Variants in MOB2 observed in about 807,000 individuals in gnomAD.
MOB2 encodes the protein MOB kinase activator 2, also known as MOB2 Mps One Binder homolog.
Under a neutral mutation model 27.4 loss-of-function variants are expected in MOB2, and 14 were observed. The observed-to-expected ratio is 0.51, with a 90% CI of 0.34 to 0.80. The LOEUF (loss-of-function observed/expected upper bound fraction) is 0.80, where lower values mean the gene tolerates loss of function less well. Among genes scored for constraint, MOB2 ranks in the 30% least tolerant of loss-of-function variants. The pLI, the probability that MOB2 is intolerant of heterozygous loss-of-function variation, is 0.01. For missense variants in MOB2, 304 were observed against 354.6 expected, an observed-to-expected ratio of 0.86 and a Z score of 1.15; for synonymous variants, 167 against 151.8, an observed-to-expected ratio of 1.10 and a Z score of -0.74.
intron 3 of MOB2, among the ~76,000 whole-genome samples, chr11:1,474,649 C>T (rs897079618): frequency 6.6e-6 from 1 of 152,094 alleles, no homozygotes; most frequent in African/African-American, 2.4e-5. Flanking sequence ...TCCATCCACA[C>T]GTTTGTGTGG....
At chr11:1,480,017 C>T (rs912196503) in intron 3 of MOB2, among the ~76,000 whole-genome samples, 16 of 152,228 alleles carry the variant, frequency 1.1e-4, no homozygotes, top group African/African-American at 3.1e-4. Flanking sequence ...AATGAATGGC[C>T]GAGCAAGGAC....
At chr11:1,481,774 G>A (rs1364643011) in intron 1 of MOB2, among the ~76,000 whole-genome samples, 1 of 151,590 alleles carries the variant, frequency 6.6e-6, no homozygotes, top group African/African-American at 2.4e-5. Flanking sequence ...GGAGGGGCAG[G>A]GGCAGGGCCC....
chr11:1,480,622 G>A (rs952382116), intron 2 of MOB2, 103 bp downstream of exon 2: 20 of 1,527,940 alleles, frequency 1.3e-5, no homozygotes, highest in African/African-American at 5.5e-5. Flanking sequence ...CTCCCCTCGC[G>A]GCAGGGGGCT....
chr11:1,469,811 C>T lies in MOB2; in HGVS notation c.*361G>A, dbSNP rs183144660. On this transcript the variant is annotated 3_prime_UTR_variant, in exon 5 of 5. Coordinates refer to ENST00000329957, the MANE Select transcript of MOB2 (RefSeq NM_001172223.3). ...CCAGGTCTGCAAATCACACCCTCCC[C>T]CCACGAGTTCCTCCTTTGAGGCCAG... 11 of 526,460 alleles carry T rather than the reference C, an allele frequency of 2.1e-5. No individual in the cohort carries two copies. The highest frequency in any genetic ancestry group is 3.8e-5 in the African/African-American group (2 of 52,628). The allele number at this position is 526,460 out of a possible 1,614,324, so 32.6% of individuals were successfully genotyped here.
At chr11:1,485,160 T>G (rs1473869500) in intron 1 of MOB2, among the ~76,000 whole-genome samples, 1 of 152,314 alleles carries the variant, frequency 6.6e-6, no homozygotes, top group East Asian at 1.9e-4. Context: ...TCGCTTCCTT[T>G]GAAACCTTCC....
At position 1,470,119 on chromosome 11, in the gene MOB2, AAC is replaced by A. The variant is rs1847764197; in HGVS notation, c.*51_*52del. ...GTGTGCACACGCAGATGCAGGAGAGAACACACACCACCGTCTCTTTGCACACG... is the reference window on the plus strand; with the variant it reads ...GTGTGCACACGCAGATGCAGGAGAGAACACACCACCGTCTCTTTGCACACG... On this transcript the variant is annotated 3_prime_UTR_variant, in exon 5 of 5. Coordinates refer to ENST00000329957, the MANE Select transcript of MOB2 (RefSeq NM_001172223.3). The A allele has an allele frequency of 1.3e-6, 2 of 1,551,518 alleles. No individual in the cohort carries two copies. The highest frequency in any genetic ancestry group is 1.7e-6 in the Non-Finnish European group (2 of 1,148,486).
intron 3 of MOB2, 131 bp from the exon 4 acceptor site, chr11:1,471,550 C>G: frequency 8.8e-7 from 1 of 1,131,876 alleles, no homozygotes; most frequent in Non-Finnish European, 1.3e-6. Context: ...CCAGGTGTCT[C>G]CCTCCCTGGA....
chr11:1,472,559 A>C (rs1847806004), intron 3 of MOB2: 1 of 152,486 alleles, frequency 6.6e-6, no homozygotes, highest in African/African-American at 2.4e-5. Flanking sequence ...CAGGCTCCAC[A>C]TGAACCGCTC....
At position 1,480,404 on chromosome 11, in the gene MOB2, G is replaced by A. The variant is rs115401529; in HGVS notation, c.354C>T (p.Ala118=). 2,480 of 1,613,572 alleles carry A rather than the reference G, an allele frequency of 1.5e-3. 37 individuals are homozygous for A. In the African/African-American group the frequency reaches 0.029, roughly 19 times the overall value. ...FCTGETCQTM[A]VCNTQYYWYD... Reference sequence around the variant, plus strand: ...CAGGCAGCACTCACGTGTTGCACACGGCCATCGTCTGACACGTCTCTCCTG... The same window carrying A: ...CAGGCAGCACTCACGTGTTGCACACAGCCATCGTCTGACACGTCTCTCCTG... The change falls in exon 3 of 5, where the codon GCC becomes GCT. Residue 118 remains alanine, a synonymous_variant. Coordinates refer to ENST00000329957, the MANE Select transcript of MOB2 (RefSeq NM_001172223.3).
intron 3 of MOB2, among the ~76,000 whole-genome samples, chr11:1,478,344 T>G (rs1462583617): frequency 6.6e-6 from 1 of 152,266 alleles, no homozygotes; most frequent in Non-Finnish European, 1.5e-5. Context: ...GAGGCCCTCC[T>G]GTTGGGAGAA....
chr11:1,470,248 C>G lies in MOB2; in HGVS notation c.731G>C (p.Gly244Ala). 1 of 1,612,624 alleles carries G rather than the reference C, an allele frequency of 6.2e-7. No individual in the cohort carries two copies. Among genetic ancestry groups the G allele is most frequent in the Non-Finnish European group, 8.5e-7 (1 of 1,179,858 alleles). ...LTEVLCSGAG[G>A]VHSGGSGDGA... Reference sequence around the variant, plus strand: ...ATCCCCACTGCCCCCACTGTGGACCCCGCCGGCCCCGCTGCATAGCACCTC... The same window carrying G: ...ATCCCCACTGCCCCCACTGTGGACCGCGCCGGCCCCGCTGCATAGCACCTC... The change falls in exon 5 of 5, where the codon GGG (glycine) becomes GCG (alanine). Residue 244 changes from glycine (G) to alanine (A), a missense_variant. Gly to Ala is a moderately conservative substitution (Grantham distance 60). Transcript: ENST00000329957.
intron 4 of MOB2, 94 bp downstream of exon 4, chr11:1,471,201 C>A: frequency 6.8e-7 from 1 of 1,478,584 alleles, no homozygotes. Context: ...TGCCTCTGCC[C>A]CTCCCGGCAC....
chr11:1,473,984 C>T (rs918406429), intron 3 of MOB2, among the ~76,000 whole-genome samples: 17 of 152,216 alleles, frequency 1.1e-4, no homozygotes, highest in African/African-American at 4.1e-4. Flanking sequence ...CGGAAGTCCA[C>T]GGCTCCTCAC....
rs1333694198 is a variant in MOB2 at position 1,486,508 on chromosome 11, G to A, written c.49C>T (p.Gln17Ter). ...CAGCAGAGTCCACTTTGCAGGGACT[G>A]GCCGGGCCGGGCTTGGTCTTCAGGG... is the stretch of plus-strand genomic sequence containing the variant. ...SLPEDQARPGQSLQSGLCCKM... is the reference protein window; with the variant it reads ...SLPEDQARPG Residue 17 changes from glutamine (Q) to a stop codon, truncating the protein, a stop_gained, in exon 1 of 5, where the codon CAG becomes TAG. Coordinates refer to ENST00000329957, the MANE Select transcript of MOB2 (RefSeq NM_001172223.3). LOFTEE classifies it high-confidence loss of function. 6.5e-7 allele frequency: 1 copy of A among 1,534,630 alleles called. No individual in the cohort carries two copies. Among genetic ancestry groups the A allele is most frequent in the Non-Finnish European group, 8.7e-7 (1 of 1,145,720 alleles).
intron 3 of MOB2, 97 bp downstream of exon 3, chr11:1,480,296 G>T: frequency 8.8e-7 from 1 of 1,137,266 alleles, no homozygotes; most frequent in Non-Finnish European, 1.3e-6. Flanking sequence ...CTCCAGGTGA[G>T]AACGGAATCT....
At chr11:1,486,038 G>C (rs1847966196) in intron 1 of MOB2, among the ~76,000 whole-genome samples, 1 of 152,334 alleles carries the variant, frequency 6.6e-6, no homozygotes, top group South Asian at 2.1e-4. Flanking sequence ...CCGCACGCTG[G>C]GACAAAGACA....
In MOB2 at chr11:1,469,802, C is replaced by T. The variant is rs1273270943; in HGVS notation, c.*370G>A. Reference sequence around the variant, plus strand: ...AGCAGAGACCCAGGTCTGCAAATCACACCCTCCCCCCACGAGTTCCTCCTT... The same window carrying T: ...AGCAGAGACCCAGGTCTGCAAATCATACCCTCCCCCCACGAGTTCCTCCTT... On this transcript the variant is annotated 3_prime_UTR_variant, in exon 5 of 5. Transcript: ENST00000329957. 5.8e-6 allele frequency: 3 copies of T among 513,564 alleles called. No homozygotes were observed. The highest frequency in any genetic ancestry group is 1.0e-4 in the East Asian group (2 of 19,058). 31.8% of individuals were successfully genotyped at this position (513,564 alleles called of 1,614,324 possible).
intron 3 of MOB2, 73 bp downstream of exon 3, chr11:1,480,320 C>A: frequency 7.2e-7 from 1 of 1,386,920 alleles, no homozygotes; most frequent in Non-Finnish European, 1.0e-6. Flanking sequence ...AGGACAGGAG[C>A]CTGGGGCAGC....
Position 1,486,465 on chromosome 11 carries a change from G to C in MOB2, c.92C>G (p.Ala31Gly). 1 of 1,535,854 alleles carries C rather than the reference G, an allele frequency of 6.5e-7. No individual in the cohort carries two copies. Among genetic ancestry groups the C allele is most frequent in the Non-Finnish European group, 8.7e-7 (1 of 1,146,782 alleles). The change falls in exon 1 of 5, where the codon GCT becomes GGT. Residue 31 changes from alanine (A) to glycine (G), a missense_variant. By Grantham distance (60) the Ala-to-Gly change is moderately conservative. Coordinates refer to ENST00000329957, the MANE Select transcript of MOB2 (RefSeq NM_001172223.3). ...GTGTTACCTGAGCACTTTGCTGACA[G>C]CCTGAAGCACCATTTTGCAGCAGAG... ...SGLCCKMVLQ[A>G]VSKVLRKSKA... is the part of the protein sequence containing the mutation.
Sources: allele counts gnomAD v4.1 joint callset (sites outside exome capture counted in the v4.1 genomes callset), GRCh38; gene constraint gnomAD v4.1.1; transcripts MANE v1.5; gene names NCBI Gene and HGNC (gene_info 2026-07-23, HGNC 2026-07-21).